MRAP2: variants seen among roughly 807,000 people sequenced by gnomAD.
The protein encoded by MRAP2 is melanocortin-2 receptor accessory protein 2.
MRAP2 carries 20 observed loss-of-function variants against 17.4 expected under a neutral mutation model. The observed-to-expected ratio is 1.15, with a 90% CI of 0.81 to 1.67. MRAP2 has a LOEUF of 1.67. Among genes scored for constraint, MRAP2 ranks in the 40% most tolerant of loss-of-function variants. The pLI is 0.00. For synonymous variants in MRAP2, 96 were observed against 88.4 expected, an observed-to-expected ratio of 1.09 and a Z score of -0.48; for missense variants, 238 against 240.0, an observed-to-expected ratio of 0.99 and a Z score of 0.05.
intron 1 of MRAP2, among the ~76,000 whole-genome samples, chr6:84,040,957 A>G (rs1397322021): frequency 6.6e-6 from 1 of 152,244 alleles, no homozygotes; most frequent in Admixed American, 6.5e-5. Context: ...TTGCCAAGAC[A>G]AAGGGGAAAA....
intron 2 of MRAP2, among the ~76,000 whole-genome samples, chr6:84,060,688 A>G (rs1349758031): frequency 6.8e-6 from 1 of 148,080 alleles, no homozygotes; most frequent in Non-Finnish European, 1.5e-5. Flanking sequence ...TTGTCCTTAC[A>G]TCTTTTTTTT....
At chr6:84,113,183 T>C in the MRAP2 span, among the ~76,000 whole-genome samples, 6 of 152,190 alleles carry the variant, frequency 3.9e-5, no homozygotes, top group African/African-American at 1.2e-4. Context: ...CTGTCTAATA[T>C]TGACAGTAGG....
intron 2 of MRAP2, among the ~76,000 whole-genome samples, chr6:84,060,286 A>G (rs912469817): frequency 2.6e-5 from 4 of 152,050 alleles, no homozygotes; most frequent in Non-Finnish European, 5.9e-5. Flanking sequence ...TAACCCTCCC[A>G]TGCTTCACAT....
At chr6:84,059,950 C>A (rs2099492676) in intron 2 of MRAP2, among the ~76,000 whole-genome samples, 1 of 152,110 alleles carries the variant, frequency 6.6e-6, no homozygotes, top group Admixed American at 6.6e-5. Context: ...AATAAAACTT[C>A]AGGAGAGTTT....
the MRAP2 span, among the ~76,000 whole-genome samples, chr6:84,117,438 A>G: frequency 1.3e-5 from 2 of 151,868 alleles, no homozygotes; most frequent in Non-Finnish European, 2.9e-5. Flanking sequence ...GAATAGTTTC[A>G]GTCAGAATAG....
Position 84,045,335 on chromosome 6 carries a change from G to A in MRAP2, c.-7-9977G>A. 4 of 985,386 alleles carry A rather than the reference G, an allele frequency of 4.1e-6. No homozygotes were observed. In the South Asian group the frequency reaches 1.9e-4, roughly 46 times the overall value. The allele number at this position is 985,386 out of a possible 1,614,324, so 61.0% of individuals were successfully genotyped here. On this transcript the variant is annotated intron_variant, in intron 1 of 3. Coordinates refer to ENST00000257776, the MANE Select transcript of MRAP2 (RefSeq NM_138409.4). ...GCTGCGAGGGCAGAGATCCAAATCTGCACTGAAACCCTTATGAAGGCCCTG... is the reference window on the plus strand; with the variant it reads ...GCTGCGAGGGCAGAGATCCAAATCTACACTGAAACCCTTATGAAGGCCCTG...
the MRAP2 span, among the ~76,000 whole-genome samples, chr6:84,097,441 CA>C: frequency 6.6e-6 from 1 of 152,134 alleles, no homozygotes; most frequent in South Asian, 2.1e-4. Flanking sequence ...TTTTATCCAA[CA>C]TTACTAAAAG....
intron 1 of MRAP2, among the ~76,000 whole-genome samples, chr6:84,046,781 A>C (rs1158675835): frequency 1.0e-5 from 1 of 95,892 alleles, no homozygotes; most frequent in Non-Finnish European, 2.1e-5. Context: ...ACTCCATCTC[A>C]AAAAAAAAAA....
chr6:84,117,643 GTGTGTGTC>G, the MRAP2 span, among the ~76,000 whole-genome samples: 9,952 of 119,310 alleles, frequency 0.083, 739 homozygotes, highest in African/African-American at 0.33. Flanking sequence ...TGGATGTGGG[GTGTGTGTC>G]TGTGTGTGTG....
intron 3 of MRAP2, chr6:84,063,249 T>C (rs987880047): frequency 1.9e-5 from 19 of 985,290 alleles, no homozygotes; most frequent in Non-Finnish European, 2.0e-5. Flanking sequence ...TTAATGATGA[T>C]GTGGGCCTGA....
chr6:84,129,404 CATT>C, the MRAP2 span, among the ~76,000 whole-genome samples: 1 of 152,164 alleles, frequency 6.6e-6, no homozygotes, highest in Admixed American at 6.5e-5. Flanking sequence ...GATGGTATCT[CATT>C]GTGGTTTTGA....
At chr6:84,145,903 C>A in the MRAP2 span, among the ~76,000 whole-genome samples, 2 of 152,102 alleles carry the variant, frequency 1.3e-5, no homozygotes, top group African/African-American at 4.8e-5. Flanking sequence ...ACAGACTACT[C>A]CTACCATTAA....
chr6:84,094,891 C>T (rs1009506261), downstream of MRAP2, among the ~76,000 whole-genome samples: 25 of 152,130 alleles, frequency 1.6e-4, no homozygotes, highest in Admixed American at 5.2e-4. Flanking sequence ...CAGCACTTCC[C>T]TCTGAGTCCT....
At chr6:84,128,498 A>G in the MRAP2 span, among the ~76,000 whole-genome samples, 8 of 152,172 alleles carry the variant, frequency 5.3e-5, no homozygotes, top group African/African-American at 1.9e-4. Flanking sequence ...ACCTAGAGTC[A>G]GAGGCAATGG....
intron 1 of MRAP2, among the ~76,000 whole-genome samples, chr6:84,036,057 T>A (rs997202227): frequency 1.3e-5 from 2 of 152,070 alleles, no homozygotes; most frequent in African/African-American, 4.8e-5. Flanking sequence ...TAAGGAACTA[T>A]TATTATACCA....
At chr6:84,106,321 T>C in the MRAP2 span, among the ~76,000 whole-genome samples, 956 of 152,332 alleles carry the variant, frequency 6.3e-3, 4 homozygotes, top group African/African-American at 0.022. Flanking sequence ...AAGCATTACA[T>C]GCAGGAAAGG....
chr6:84,113,547 G>A, the MRAP2 span, among the ~76,000 whole-genome samples: 1 of 152,124 alleles, frequency 6.6e-6, no homozygotes, highest in Non-Finnish European at 1.5e-5. Flanking sequence ...CAATTTGCCA[G>A]TCTGTGTCTT....
the MRAP2 span, among the ~76,000 whole-genome samples, chr6:84,119,392 T>C: frequency 6.6e-6 from 1 of 152,210 alleles, no homozygotes; most frequent in Non-Finnish European, 1.5e-5. Flanking sequence ...ACACTCCCAC[T>C]TTTAACAGTA....
chr6:84,097,642 A>G, the MRAP2 span, among the ~76,000 whole-genome samples: 1 of 152,106 alleles, frequency 6.6e-6, no homozygotes, highest in African/African-American at 2.4e-5. Context: ...AAATATTGCA[A>G]TTAATTAGTT....
Sources: gnomAD v4.1 joint callset for allele counts (sites outside exome capture counted in the v4.1 genomes callset) on GRCh38, gnomAD v4.1.1 for gene constraint, MANE v1.5 for transcripts, NCBI Gene and HGNC (gene_info 2026-07-23, HGNC 2026-07-21) for gene names.